LIN52: variants seen among roughly 807,000 people sequenced by gnomAD.
LIN52 encodes lin-52 DREAM MuvB core complex component.
Under a neutral mutation model 18.5 loss-of-function variants are expected in LIN52, and 4 were observed. The observed-to-expected ratio is 0.22, with a 90% confidence interval of 0.11 to 0.49. LIN52 has a LOEUF of 0.49. Ranked by LOEUF, LIN52 falls within the 20% of genes least tolerant of loss-of-function variation. The pLI, the probability that LIN52 is intolerant of heterozygous loss-of-function variation, is 0.97. For synonymous variants in LIN52, 34 were observed against 45.5 expected (o/e 0.75, Z 1.02); for missense variants, 102 against 139.5 (o/e 0.73, Z 1.35).
In LIN52 at chr14:74,094,880, G is replaced by A. The variant is rs193034392; in HGVS notation, c.95-1068G>A. Among the ~76,000 whole-genome samples, 548 of 151,108 alleles carry A rather than the reference G, an allele frequency of 3.6e-3. 4 individuals carry two copies. Among genetic ancestry groups the A allele is most frequent in the African/African-American group, 0.013 (515 of 41,154 alleles). On this transcript the variant is annotated intron_variant, in intron 2 of 5. Coordinates refer to ENST00000555028, the MANE Select transcript of LIN52 (RefSeq NM_001024674.3). ...ATAGCTGGGACTACAGGCACATGCC[G>A]CCACACCCAGCTAATCTTTTGTATT...
At chr14:74,187,206 A>G (rs949219498) in intron 5 of LIN52, among the ~76,000 whole-genome samples, 1 of 152,228 alleles carries the variant, frequency 6.6e-6, no homozygotes, top group Non-Finnish European at 1.5e-5. Flanking sequence ...AAAGTAAATT[A>G]CTTGTTTGTG....
chr14:74,156,314 G>A (rs2061198970), intron 5 of LIN52, among the ~76,000 whole-genome samples: 1 of 151,922 alleles, frequency 6.6e-6, no homozygotes, highest in South Asian at 2.1e-4. Flanking sequence ...GTTTTTTTTA[G>A]ACTAACCCTT....
chr14:74,184,561 G>A (rs1465619773), intron 5 of LIN52, among the ~76,000 whole-genome samples: 1 of 152,172 alleles, frequency 6.6e-6, no homozygotes, highest in Non-Finnish European at 1.5e-5. Flanking sequence ...ACATCTGTCT[G>A]TTCCAGTTTG....
At chr14:74,103,113 C>G (rs2060870313) in intron 5 of LIN52, among the ~76,000 whole-genome samples, 1 of 152,342 alleles carries the variant, frequency 6.6e-6, no homozygotes. Flanking sequence ...GAGTCTTACT[C>G]TGTGGCCCAG....
intron 3 of LIN52, 51 bp downstream of exon 3, chr14:74,096,036 G>A (rs370955347): frequency 2.4e-4 from 297 of 1,223,554 alleles, no homozygotes; most frequent in Middle Eastern, 2.3e-3. Flanking sequence ...TCGCTCCTGA[G>A]TAAAAGCTCA....
chr14:74,134,133 G>A (rs1179789947), intron 5 of LIN52, among the ~76,000 whole-genome samples: 2 of 152,168 alleles, frequency 1.3e-5, no homozygotes, highest in Admixed American at 1.3e-4. Context: ...TTTCCGACAT[G>A]CTGTAAATTT....
At chr14:74,166,681 T>C (rs2061251318) in intron 5 of LIN52, among the ~76,000 whole-genome samples, 1 of 152,248 alleles carries the variant, frequency 6.6e-6, no homozygotes, top group Non-Finnish European at 1.5e-5. Flanking sequence ...TAGCAATATG[T>C]TGATCACACA....
intron 5 of LIN52, among the ~76,000 whole-genome samples, chr14:74,118,573 A>G (rs775894231): frequency 2.0e-5 from 3 of 152,214 alleles, no homozygotes; most frequent in Non-Finnish European, 4.4e-5. Context: ...CAGGAATTCC[A>G]GACCAGCCTG....
chr14:74,184,794 T>A (rs1392082340), intron 5 of LIN52, among the ~76,000 whole-genome samples: 1 of 152,224 alleles, frequency 6.6e-6, no homozygotes, highest in Non-Finnish European at 1.5e-5. Flanking sequence ...ATATCATAGA[T>A]GTTTGTATTT....
At position 74,097,815 on chromosome 14, in the gene LIN52, A is replaced by G. The variant is rs756675051; in HGVS notation, c.154A>G (p.Lys52Glu). The change falls in exon 4 of 6, where the codon AAA becomes GAA. Residue 52 changes from lysine (K) to glutamate (E), a missense_variant. By Grantham distance (56) the Lys-to-Glu change is moderately conservative. Transcript: ENST00000555028. ...ACAGCCTATTACTAGTTCTCCACCC[A>G]AATGGATGGCTGAGATAGAACGTGA... ...FKSPITSSPP[K>E]WMAEIERDDI... 42 of 1,613,076 alleles carry G rather than the reference A, an allele frequency of 2.6e-5. No homozygotes were observed. The South Asian group carries it at 4.6e-4, about 18-fold the overall frequency.
Position 74,144,235 on chromosome 14 carries a change from G to A in LIN52, c.283+42997G>A, listed in dbSNP as rs934452321. On this transcript the variant is annotated intron_variant, in intron 5 of 5. Coordinates refer to ENST00000555028, the MANE Select transcript of LIN52 (RefSeq NM_001024674.3). The stretch of plus-strand genomic sequence containing the variant: ...GACCCTGGGGTCAAGAGATCCTTCC[G>A]CCTCAGCCTCCCAAGTAGCTGGTGT... 8.6e-5 allele frequency among the ~76,000 whole-genome samples: 13 copies of A among 151,240 alleles called. 1 individual carries two copies. The highest frequency in any genetic ancestry group is 1.5e-4 in the Non-Finnish European group (10 of 67,880).
intron 5 of LIN52, among the ~76,000 whole-genome samples, chr14:74,151,729 C>T (rs1289330250): frequency 1.3e-5 from 2 of 152,088 alleles, no homozygotes; most frequent in Admixed American, 6.6e-5. Flanking sequence ...GTTAAAAGGA[C>T]GAAACATGGC....
rs1409995305 is a variant in LIN52 at position 74,137,496 on chromosome 14, C to CTTTTTTTTTT, written c.283+36259_283+36260insTTTTTTTTTT. ...GAGCACTAAATTCTTCACAGCAGCT[C>CTTTTTTTTTT]TCTTTTTTTTTTTTTTTTTTGAGAT... On this transcript the variant is annotated intron_variant, in intron 5 of 5. Transcript: ENST00000555028. 2.2e-3 allele frequency among the ~76,000 whole-genome samples: 191 copies of CTTTTTTTTTT among 85,476 alleles called. 3 individuals carry two copies. Among genetic ancestry groups the CTTTTTTTTTT allele is most frequent in the African/African-American group, 9.2e-3 (179 of 19,408 alleles). 56.1% of individuals were successfully genotyped at this position (85,476 alleles called of 152,430 possible). A position where few individuals can be genotyped will look rare whatever the true frequency, so the allele number is the denominator to read the frequency against.
At chr14:74,192,855 CTCCAT>C (rs1334844162) in intron 5 of LIN52, 1 of 166,500 alleles carries the variant, frequency 6.0e-6, no homozygotes, top group East Asian at 1.7e-4. Flanking sequence ...TACTGCAGAA[CTCCAT>C]TCCCACAGAC....
intron 5 of LIN52, among the ~76,000 whole-genome samples, chr14:74,101,538 A>T (rs2060855901): frequency 6.7e-6 from 1 of 148,880 alleles, no homozygotes; most frequent in Non-Finnish European, 1.5e-5. Flanking sequence ...GGCTCACTGC[A>T]AGCTCCGCCT....
intron 5 of LIN52, among the ~76,000 whole-genome samples, chr14:74,109,054 TTTAAG>T (rs774655626): frequency 3.7e-4 from 57 of 152,346 alleles, no homozygotes; most frequent in Non-Finnish European, 5.6e-4. Flanking sequence ...TTTGATTCAT[TTTAAG>T]TTAATTTTTA....
chr14:74,131,576 A>G lies in LIN52; in HGVS notation c.283+30338A>G, dbSNP rs184982797. 5.3e-5 allele frequency among the ~76,000 whole-genome samples: 8 copies of G among 152,284 alleles called. No individual in the cohort carries two copies. The East Asian group carries it at 1.5e-3, about 29-fold the overall frequency. On this transcript the variant is annotated intron_variant, in intron 5 of 5. Coordinates refer to ENST00000555028, the MANE Select transcript of LIN52 (RefSeq NM_001024674.3). ...CTCAGGTGATCCGCTTTGACCTCCCAAAGTGCTGGGATTACAGGCGTGAGC... is the reference window on the plus strand; with the variant it reads ...CTCAGGTGATCCGCTTTGACCTCCCGAAGTGCTGGGATTACAGGCGTGAGC...
At chr14:74,167,117 T>TTTTTC (rs1401556483) in intron 5 of LIN52, among the ~76,000 whole-genome samples, 1 of 147,850 alleles carries the variant, frequency 6.8e-6, no homozygotes, top group East Asian at 1.9e-4. Context: ...TGCTGCTTTT[T>TTTTTC]TTTTTTTTTT....
At chr14:74,103,962 G>C (rs1316742695) in intron 5 of LIN52, among the ~76,000 whole-genome samples, 1 of 149,390 alleles carries the variant, frequency 6.7e-6, no homozygotes, top group East Asian at 2.0e-4. Flanking sequence ...GCAGTGGCGC[G>C]ATCTTGGCTC....
Sources: allele counts gnomAD v4.1 joint callset (sites outside exome capture counted in the v4.1 genomes callset), GRCh38; gene constraint gnomAD v4.1.1; transcripts MANE v1.5; gene names NCBI Gene and HGNC (gene_info 2026-07-23, HGNC 2026-07-21).